FARS2: variants seen among roughly 807,000 people sequenced by gnomAD.
FARS2 encodes the protein phenylalanine--tRNA ligase, mitochondrial.
In FARS2, 40 loss-of-function variants were observed where a neutral mutation model predicts 46.4. The observed-to-expected ratio is 0.86, with a 90% CI of 0.67 to 1.12. FARS2 has a LOEUF of 1.12. Among genes scored for constraint, FARS2 ranks in the 50% most tolerant of loss-of-function variants. FARS2 has a pLI of 0.00. For missense variants in FARS2, 513 were observed against 567.9 expected, an observed-to-expected ratio of 0.90 and a Z score of 0.98; for synonymous variants, 234 against 214.9, an observed-to-expected ratio of 1.09 and a Z score of -0.78.
chr6:5,376,435 G>A lies in FARS2; in HGVS notation c.612+7253G>A, dbSNP rs12528263. Among the ~76,000 whole-genome samples, 1,209 of 152,250 alleles carry A rather than the reference G, an allele frequency of 7.9e-3. 78 individuals are homozygous for A. The highest frequency in any genetic ancestry group is 0.077 in the Admixed American group (1,176 of 15,286). Reference sequence around the variant, plus strand: ...CATCTTATAGCCTTCTATTGGGAGTGTATATAGTTACTGCCACTTTGGAGG... The same window carrying A: ...CATCTTATAGCCTTCTATTGGGAGTATATATAGTTACTGCCACTTTGGAGG... On this transcript the variant is annotated intron_variant, in intron 2 of 6. Coordinates refer to ENST00000274680, the MANE Select transcript of FARS2 (RefSeq NM_006567.5).
intron 1 of FARS2, among the ~76,000 whole-genome samples, chr6:5,284,828 C>G (rs1451593399): frequency 6.6e-6 from 1 of 152,150 alleles, no homozygotes; most frequent in African/African-American, 2.4e-5. Context: ...CTGTCTTCTC[C>G]CCAGAGCCTC....
rs529847917 is a variant in FARS2 at position 5,388,180 on chromosome 6, G to C, written c.613-16362G>C. 8.4e-4 allele frequency among the ~76,000 whole-genome samples: 128 copies of C among 152,216 alleles called. 1 individual carries two copies. Among genetic ancestry groups the C allele is most frequent in the Non-Finnish European group, 1.7e-3 (113 of 68,008 alleles). On this transcript the variant is annotated intron_variant, in intron 2 of 6. Coordinates refer to ENST00000274680, the MANE Select transcript of FARS2 (RefSeq NM_006567.5). ...GAAACCTGAGATGAACCAATAATTT[G>C]AAGCATCCCCTTTCTTGTGTCTTTG...
At chr6:5,634,818 T>A (rs1776464964) in intron 6 of FARS2, among the ~76,000 whole-genome samples, 2 of 152,208 alleles carry the variant, frequency 1.3e-5, no homozygotes, top group South Asian at 4.1e-4. Context: ...CTGTGTGCCC[T>A]TCGACCCAGC....
At chr6:5,363,903 C>T (rs1239801520) in intron 1 of FARS2, among the ~76,000 whole-genome samples, 1 of 152,206 alleles carries the variant, frequency 6.6e-6, no homozygotes, top group Non-Finnish European at 1.5e-5. Flanking sequence ...ATGCAAATTA[C>T]CTCCAAGGTC....
At chr6:5,422,979 C>T (rs930161806) in intron 3 of FARS2, among the ~76,000 whole-genome samples, 2 of 152,128 alleles carry the variant, frequency 1.3e-5, no homozygotes, top group African/African-American at 4.8e-5. Context: ...AAAATTGAAG[C>T]AGTGCGAGGT....
chr6:5,528,938 AAG>A (rs1258912701), intron 4 of FARS2, among the ~76,000 whole-genome samples: 1 of 152,178 alleles, frequency 6.6e-6, no homozygotes, highest in African/African-American at 2.4e-5. Context: ...GAAAGATAAA[AAG>A]AGCAAGGGTC....
rs148997695 is a variant in FARS2 at position 5,319,766 on chromosome 6, G to A, written c.-21-48784G>A. Reference sequence around the variant, plus strand: ...TCTCTATGGGTTAGTTGCTGGTAACGGGAAGCTTTCTGTTACCTGACTTGG... The same window carrying A: ...TCTCTATGGGTTAGTTGCTGGTAACAGGAAGCTTTCTGTTACCTGACTTGG... On this transcript the variant is annotated intron_variant, in intron 1 of 6. Coordinates refer to ENST00000274680, the MANE Select transcript of FARS2 (RefSeq NM_006567.5). Among the ~76,000 whole-genome samples the A allele has an allele frequency of 2.7e-3, 412 of 152,248 alleles. 1 individual carries two copies. Among genetic ancestry groups the A allele is most frequent in the African/African-American group, 9.2e-3 (384 of 41,538 alleles).
chr6:5,353,500 T>C (rs745914420), intron 1 of FARS2, among the ~76,000 whole-genome samples: 3 of 152,140 alleles, frequency 2.0e-5, no homozygotes, highest in Non-Finnish European at 4.4e-5. Context: ...AGTGGCTGTA[T>C]TAATTTGCAT....
At chr6:5,609,957 TC>T in intron 5 of FARS2, 1 of 1,269,294 alleles carries the variant, frequency 7.9e-7, no homozygotes, top group East Asian at 2.3e-5. Context: ...CCACAACTCT[TC>T]CATCCACCTT....
intron 1 of FARS2, among the ~76,000 whole-genome samples, chr6:5,320,218 G>A (rs1769867917): frequency 6.6e-6 from 1 of 152,224 alleles, no homozygotes. Flanking sequence ...CCTTTGCAGT[G>A]TTCCAGTGGC....
rs566373446 is a variant in FARS2, at chr6:5,707,812, G to A, written c.1218-63479G>A. 7.2e-5 allele frequency among the ~76,000 whole-genome samples: 11 copies of A among 152,278 alleles called. No individual in the cohort carries two copies. In the East Asian group the frequency reaches 9.6e-4, roughly 13 times the overall value. On this transcript the variant is annotated intron_variant, in intron 6 of 6. Coordinates refer to ENST00000274680, the MANE Select transcript of FARS2 (RefSeq NM_006567.5). ...CCCCATCTTGTCCCTGGGTAGCCTC[G>A]GGGCCCCAGACAGGATGAATCTCAG...
At chr6:5,436,475 G>A (rs575047340) in intron 4 of FARS2, among the ~76,000 whole-genome samples, 1 of 152,294 alleles carries the variant, frequency 6.6e-6, no homozygotes, top group South Asian at 2.1e-4. Flanking sequence ...GCACTGTGCT[G>A]GACAGAGGAA....
rs1765667943 is a variant in FARS2 at position 5,267,994 on chromosome 6, A to C, written c.-22+6334A>C. On this transcript the variant is annotated intron_variant, in intron 1 of 6. Transcript: ENST00000274680. The stretch of plus-strand genomic sequence containing the variant: ...TTTCATGTGTTTTTTGGCTGCATAA[A>C]TGTCTTCTTTTGAGAAGTGTCTGTT... Among the ~76,000 whole-genome samples the C allele has an allele frequency of 1.3e-5, 2 of 152,036 alleles. 1 individual carries two copies. The highest frequency in any genetic ancestry group is 6.8e-3 in the Middle Eastern group (2 of 294).
chr6:5,718,308 G>A lies in FARS2; in HGVS notation c.1218-52983G>A, dbSNP rs151085436. Among the ~76,000 whole-genome samples the A allele has an allele frequency of 3.8e-3, 576 of 152,306 alleles. 6 individuals carry two copies. The highest frequency in any genetic ancestry group is 0.013 in the African/African-American group (555 of 41,562). ...CTAGACTGAAAACTTCCCAAGGGCA[G>A]GCACTAGGTCTGTCTTGCTAGTTCT... On this transcript the variant is annotated intron_variant, in intron 6 of 6. Transcript: ENST00000274680.
chr6:5,656,707 C>T (rs1247808239), intron 6 of FARS2, among the ~76,000 whole-genome samples: 1 of 152,180 alleles, frequency 6.6e-6, no homozygotes, highest in Non-Finnish European at 1.5e-5. Context: ...CATACTACCA[C>T]ACCCAGCTAA....
intron 4 of FARS2, among the ~76,000 whole-genome samples, chr6:5,543,344 A>G (rs1469287497): frequency 6.6e-6 from 1 of 151,246 alleles, no homozygotes; most frequent in Non-Finnish European, 1.5e-5. Flanking sequence ...GGATTTGTGA[A>G]ACAATTATAA....
intron 6 of FARS2, among the ~76,000 whole-genome samples, chr6:5,647,503 C>T (rs1777137741): frequency 6.6e-6 from 1 of 152,210 alleles, no homozygotes; most frequent in Non-Finnish European, 1.5e-5. Flanking sequence ...ACATTTCCTG[C>T]CTAAATATTG....
intron 6 of FARS2, among the ~76,000 whole-genome samples, chr6:5,746,254 A>G (rs1357107954): frequency 6.6e-6 from 1 of 152,172 alleles, no homozygotes; most frequent in Non-Finnish European, 1.5e-5. Context: ...GAACAAAGAC[A>G]GTGACACGAT....
chr6:5,685,784 C>G (rs1757152169), intron 6 of FARS2, among the ~76,000 whole-genome samples: 1 of 152,184 alleles, frequency 6.6e-6, no homozygotes, highest in South Asian at 2.1e-4. Flanking sequence ...TCAAGGGCTT[C>G]CTAGAAGAGG....
Sources: allele counts gnomAD v4.1 joint callset (sites outside exome capture counted in the v4.1 genomes callset), GRCh38; gene constraint gnomAD v4.1.1; transcripts MANE v1.5; gene names NCBI Gene and HGNC (gene_info 2026-07-23, HGNC 2026-07-21).